Variants in SCUBE3 observed in about 807,000 individuals in gnomAD.
The protein encoded by SCUBE3 is signal peptide, CUB and EGF-like domain-containing protein 3.
A neutral mutation model predicts 116.8 loss-of-function variants in SCUBE3; 33 were observed. That is an observed-to-expected ratio of 0.28 (90% CI 0.21 to 0.38). The LOEUF (loss-of-function observed/expected upper bound fraction) is 0.38. Among genes scored for constraint, SCUBE3 ranks in the 10% least tolerant of loss-of-function variants. SCUBE3 has a pLI of 1.00. For missense variants in SCUBE3, 1,007 were observed against 1,324.8 expected (o/e 0.76, Z 3.72); for synonymous variants, 418 against 496.9 (o/e 0.84, Z 2.11).
At position 35,232,772 on chromosome 6, in the gene SCUBE3, C is replaced by T. The variant is rs1783604174; in HGVS notation, c.470-78C>T. 4 of 1,431,140 alleles carry T rather than the reference C, an allele frequency of 2.8e-6. No homozygotes were observed. The highest frequency in any genetic ancestry group is 3.9e-6 in the Non-Finnish European group (4 of 1,023,350). 88.7% of individuals were successfully genotyped at this position (1,431,140 alleles called of 1,614,324 possible). On this transcript the variant is annotated intron_variant, in intron 4 of 21. Transcript: ENST00000274938. The surrounding 1 kb of genome is among the most constrained non-coding windows in gnomAD (Gnocchi z 4.2). The stretch of plus-strand genomic sequence containing the variant: ...GTAGAATTCTCCCAGTTCCCTAGGT[C>T]CCCAGTTGCCCCCTGTAGTTTTTCT...
rs1783566241 is a variant in SCUBE3 at position 35,231,881 on chromosome 6, GC to G, written c.469+26del. The G allele has an allele frequency of 6.3e-7, 1 of 1,588,934 alleles. No individual in the cohort carries two copies. Among genetic ancestry groups the G allele is most frequent in the African/African-American group, 1.3e-5 (1 of 74,628 alleles). On this transcript the variant is annotated intron_variant, in intron 4 of 21. Transcript: ENST00000274938. This position sits in a 1 kb window ranked among gnomAD's most constrained non-coding sequence, Gnocchi z 4.2. The stretch of plus-strand genomic sequence containing the variant: ...GAAGGTCAGCCCATGACCTGGGATG[GC>G]CCCATCCCTGCCCTCCCCAGGCTTC...
In SCUBE3 at chr6:35,213,957, CGA is replaced by C. The variant is rs1782780175; in HGVS notation, c.-456_-455del. On this transcript the variant is annotated 5_prime_UTR_variant, in exon 1 of 22. Transcript: ENST00000274938. The surrounding 1 kb of genome is among the most constrained non-coding windows in gnomAD (Gnocchi z 4.5). ...AAGAGCCTGAGAGACGGAGAAAGAG[CGA>C]GAGAGGAAGAAAGAGAGGCAGAAAG... Among the ~76,000 whole-genome samples the C allele has an allele frequency of 6.6e-6, 1 of 152,038 alleles. No homozygotes were observed. Among genetic ancestry groups the C allele is most frequent in the South Asian group, 2.1e-4 (1 of 4,826 alleles).
rs59747635 is a variant in SCUBE3 at position 35,226,798 on chromosome 6, C to T, written c.86-782C>T. Among the ~76,000 whole-genome samples, 719 of 151,896 alleles carry T rather than the reference C, an allele frequency of 4.7e-3. 6 individuals carry two copies. The highest frequency in any genetic ancestry group is 0.016 in the African/African-American group (659 of 41,514). ...TGGCATCATCTATGTCCTTTCCTAA[C>T]CATCCTCTTTTTTGCTAGATGGTGA... On this transcript the variant is annotated intron_variant, in intron 1 of 21. Transcript: ENST00000274938.
chr6:35,244,792 C>T lies in SCUBE3; in HGVS notation c.2382C>T (p.Thr794=). 1 of 1,614,182 alleles carries T rather than the reference C, an allele frequency of 6.2e-7. No individual in the cohort carries two copies. The highest frequency in any genetic ancestry group is 8.5e-7 in the Non-Finnish European group (1 of 1,180,024). The change falls in exon 18 of 22, where the codon ACC becomes ACT. Residue 794 remains threonine (T), a synonymous_variant. Transcript: ENST00000274938. This position sits in a 1 kb window ranked among gnomAD's most constrained non-coding sequence, Gnocchi z 4.3. ...CAAGCACAGACTTTGATGGCTCTAC[C>T]AGTGTGGCCCAATGCAAGAGTACGT... The part of the protein sequence containing the change: ...GNTSTDFDGS[T]SVAQCKNRQC...
intron 1 of SCUBE3, chr6:35,221,350 CCT>C (rs1167733788): frequency 6.6e-6 from 1 of 152,186 alleles, no homozygotes; most frequent in Non-Finnish European, 1.5e-5. Flanking sequence ...AATTTAGTTT[CCT>C]CTCTCCCTAC....
rs1782786322 is a variant in SCUBE3, at chr6:35,214,109, C to CCCG, written c.-299_-297dup. 6.6e-6 allele frequency among the ~76,000 whole-genome samples: 1 copy of CCCG among 152,268 alleles called. No homozygotes were observed. The highest frequency in any genetic ancestry group is 6.5e-5 in the Admixed American group (1 of 15,310). ...ATTGGGTGGGATTACACGGAGCAGC[C>CCCG]CCGCCGCCGCCGCTGGCAGAGGCCG... On this transcript the variant is annotated 5_prime_UTR_variant, in exon 1 of 22. Transcript: ENST00000274938. The surrounding 1 kb of genome is among the most constrained non-coding windows in gnomAD (Gnocchi z 6.3).
chr6:35,241,439 C>A lies in SCUBE3; in HGVS notation c.1196-104C>A. On this transcript the variant is annotated intron_variant, in intron 10 of 21. Transcript: ENST00000274938. This position sits in a 1 kb window ranked among gnomAD's most constrained non-coding sequence, Gnocchi z 4.1. The stretch of plus-strand genomic sequence containing the variant: ...TGTAGTAAACAATCCCATCATCAGT[C>A]TCCATGGGTACAACAATAGTTATGC... The A allele has an allele frequency of 9.0e-7, 1 of 1,106,802 alleles. No homozygotes were observed. The highest frequency in any genetic ancestry group is 1.4e-6 in the Non-Finnish European group (1 of 728,062). 68.6% of individuals were successfully genotyped at this position (1,106,802 alleles called of 1,614,324 possible).
chr6:35,238,857 C>T (rs548125084), intron 7 of SCUBE3, among the ~76,000 whole-genome samples: 2 of 152,190 alleles, frequency 1.3e-5, no homozygotes, highest in African/African-American at 2.4e-5. Context: ...GGACTGGGCT[C>T]GTTCTTTGTG....
In SCUBE3 at chr6:35,241,716, G is replaced by T; in HGVS notation, c.1312+57G>T. On this transcript the variant is annotated intron_variant, in intron 11 of 21. Coordinates refer to ENST00000274938, the MANE Select transcript of SCUBE3 (RefSeq NM_152753.4). This position sits in a 1 kb window ranked among gnomAD's most constrained non-coding sequence, Gnocchi z 4.1. The stretch of plus-strand genomic sequence containing the variant: ...GAGGAGAAAAGAGGAAGGACTGGCC[G>T]TTCAGGCAGCTCCTTCATTCCCCCT... The T allele has an allele frequency of 2.0e-6, 3 of 1,504,002 alleles. No individual in the cohort carries two copies. The highest frequency in any genetic ancestry group is 1.7e-5 in the Admixed American group (1 of 59,868). The allele number at this position is 1,504,002 out of a possible 1,614,324, so 93.2% of individuals were successfully genotyped here.
At chr6:35,215,997 A>G (rs1017248125) in intron 1 of SCUBE3, among the ~76,000 whole-genome samples, 1 of 152,202 alleles carries the variant, frequency 6.6e-6, no homozygotes, top group Non-Finnish European at 1.5e-5. Context: ...ATAACATGGA[A>G]TTAGGTGGGG....
At chr6:35,242,890 C>T in intron 14 of SCUBE3, 110 bp downstream of exon 14, 1 of 1,510,994 alleles carries the variant, frequency 6.6e-7, no homozygotes, top group Non-Finnish European at 9.1e-7. Context: ...TAGGGGCAGA[C>T]CCTGCCTGGT....
chr6:35,249,616 CA>C lies in SCUBE3; in HGVS notation c.*912del, dbSNP rs1312484910. On this transcript the variant is annotated 3_prime_UTR_variant, in exon 22 of 22. Coordinates refer to ENST00000274938, the MANE Select transcript of SCUBE3 (RefSeq NM_152753.4). Reference sequence around the variant, plus strand: ...CCTGGCCCAGCCACCTCCTCAGCCCCATGTGATGCTCCCTGGGGGAGCCCTA... The same window carrying C: ...CCTGGCCCAGCCACCTCCTCAGCCCCTGTGATGCTCCCTGGGGGAGCCCTA... The C allele has an allele frequency of 6.6e-6, 1 of 152,600 alleles. No individual in the cohort carries two copies. The highest frequency in any genetic ancestry group is 1.5e-5 in the Non-Finnish European group (1 of 68,226). 9.5% of individuals were successfully genotyped at this position (152,600 alleles called of 1,614,324 possible).
In SCUBE3 at chr6:35,235,579, C is replaced by T. The variant is rs1241987760; in HGVS notation, c.712+2278C>T. The T allele has an allele frequency of 7.0e-6, 5 of 718,262 alleles. No homozygotes were observed. The highest frequency in any genetic ancestry group is 2.4e-5 in the Admixed American group (1 of 42,220). The allele number at this position is 718,262 out of a possible 1,614,324, so 44.5% of individuals were successfully genotyped here. ...CTGGGGCTCCCACTAACTGCATGCC[C>T]ACTGGGCCCAGCCTGACTGGGCCCC... On this transcript the variant is annotated intron_variant, in intron 6 of 21. Coordinates refer to ENST00000274938, the MANE Select transcript of SCUBE3 (RefSeq NM_152753.4). The surrounding 1 kb of genome is among the most constrained non-coding windows in gnomAD (Gnocchi z 4.5).
At chr6:35,217,205 AGGGGGTGGGTGTTTGGCGGGGGGGGG>A (rs1158293947) in intron 1 of SCUBE3, among the ~76,000 whole-genome samples, 1 of 34,224 alleles carries the variant, frequency 2.9e-5, no homozygotes, top group South Asian at 1.1e-3. Context: ...GCTTTTGGTA[AGGGGGTGGGTGTTTGGCGGGGGGGGG>A]GGGGGCGGGG....
At position 35,250,145 on chromosome 6, in the gene SCUBE3, T is replaced by C. The variant is rs1248301564; in HGVS notation, c.*1440T>C. ...AGGGTAATTGCGCAGAGGCATCTGATGTGTAGGAAAGTAATTCTGGGGATT... is the reference window on the plus strand; with the variant it reads ...AGGGTAATTGCGCAGAGGCATCTGACGTGTAGGAAAGTAATTCTGGGGATT... On this transcript the variant is annotated 3_prime_UTR_variant, in exon 22 of 22. Coordinates refer to ENST00000274938, the MANE Select transcript of SCUBE3 (RefSeq NM_152753.4). The C allele has an allele frequency of 6.6e-6, 1 of 152,278 alleles. No individual in the cohort carries two copies. Among genetic ancestry groups the C allele is most frequent in the Admixed American group, 6.5e-5 (1 of 15,278 alleles). The allele number at this position is 152,278 out of a possible 1,614,324, so 9.4% of individuals were successfully genotyped here. A position where few individuals can be genotyped will look rare whatever the true frequency, so the allele number is the denominator to read the frequency against.
chr6:35,226,627 C>T (rs901910887), intron 1 of SCUBE3, among the ~76,000 whole-genome samples: 1 of 151,854 alleles, frequency 6.6e-6, no homozygotes, highest in Non-Finnish European at 1.5e-5. Context: ...GGATTACAGG[C>T]ACACATCACC....
At position 35,232,752 on chromosome 6, in the gene SCUBE3, A is replaced by C; in HGVS notation, c.470-98A>C. On this transcript the variant is annotated intron_variant, in intron 4 of 21. Coordinates refer to ENST00000274938, the MANE Select transcript of SCUBE3 (RefSeq NM_152753.4). The surrounding 1 kb of genome is among the most constrained non-coding windows in gnomAD (Gnocchi z 4.2). ...TCGTGTTGAATTCAACCTCAGTAGA[A>C]TTCTCCCAGTTCCCTAGGTCCCCAG... is the stretch of plus-strand genomic sequence containing the variant. 1 of 1,237,506 alleles carries C rather than the reference A, an allele frequency of 8.1e-7. No individual in the cohort carries two copies. Among genetic ancestry groups the C allele is most frequent in the Non-Finnish European group, 1.2e-6 (1 of 858,158 alleles). The allele number at this position is 1,237,506 out of a possible 1,614,324, so 76.7% of individuals were successfully genotyped here. A position where few individuals can be genotyped will look rare whatever the true frequency, so the allele number is the denominator to read the frequency against.
chr6:35,236,178 A>T (rs1783763177), intron 6 of SCUBE3, among the ~76,000 whole-genome samples: 1 of 152,258 alleles, frequency 6.6e-6, no homozygotes, highest in Non-Finnish European at 1.5e-5. Flanking sequence ...CTGGCACAGC[A>T]TAAGCACAGA....
chr6:35,243,482 A>AC lies in SCUBE3; in HGVS notation c.1910-111dup. ...CAAGTAGGATTGTGTTTGTTCCCTG[A>AC]CAGAGATTCTCCCTGAATCGGGGGT... On this transcript the variant is annotated intron_variant, in intron 15 of 21. Transcript: ENST00000274938. The surrounding 1 kb of genome is among the most constrained non-coding windows in gnomAD (Gnocchi z 6.6). 9.1e-7 allele frequency: 1 copy of AC among 1,093,084 alleles called. No homozygotes were observed. The highest frequency in any genetic ancestry group is 1.3e-6 in the Non-Finnish European group (1 of 760,480). 67.7% of individuals were successfully genotyped at this position (1,093,084 alleles called of 1,614,324 possible). A position where few individuals can be genotyped will look rare whatever the true frequency, so the allele number is the denominator to read the frequency against.
Sources: allele counts gnomAD v4.1 joint callset (sites outside exome capture counted in the v4.1 genomes callset), GRCh38; gene constraint gnomAD v4.1.1; non-coding constraint Gnocchi (gnomAD v3.1); transcripts MANE v1.5; gene names NCBI Gene and HGNC (gene_info 2026-07-23, HGNC 2026-07-21).